The following EGFR variants were observed in gnomAD, a reference collection of about 807,000 sequenced individuals.
EGFR encodes the protein epidermal growth factor receptor.
A neutral mutation model predicts 143.0 loss-of-function variants in EGFR; 58 were observed. The ratio of observed to expected loss-of-function variants is 0.41; its 90% CI spans 0.33 to 0.50. The LOEUF is 0.50. EGFR is among the 20% of genes least tolerant of loss of function. EGFR has a pLI of 0.39. For synonymous variants in EGFR, 613 were observed against 594.4 expected, an observed-to-expected ratio of 1.03 and a Z score of -0.45; for missense variants, 1,307 against 1,579.0, an observed-to-expected ratio of 0.83 and a Z score of 2.92.
chr7:55,068,152 C>T (rs1414360304), intron 1 of EGFR, among the ~76,000 whole-genome samples: 2 of 145,906 alleles, frequency 1.4e-5, no homozygotes, highest in Non-Finnish European at 2.9e-5. Context: ...AAAAATCTCT[C>T]ATCACCTTTT....
intron 25 of EGFR, 44 bp from the exon 26 acceptor site, chr7:55,201,691 G>A (rs772125966): frequency 3.7e-6 from 6 of 1,612,010 alleles, no homozygotes; most frequent in Non-Finnish European, 5.1e-6. Context: ...TGGATGAGAT[G>A]TGGTACAAGC....
intron 22 of EGFR, 39 bp from the exon 23 acceptor site, chr7:55,198,678 A>G (rs2128968552): frequency 4.3e-6 from 7 of 1,613,840 alleles, no homozygotes; most frequent in South Asian, 1.1e-5. Context: ...TTGTTCATTC[A>G]TGATCCCACT....
intron 1 of EGFR, among the ~76,000 whole-genome samples, chr7:55,106,273 G>T (rs547839912): frequency 6.6e-6 from 1 of 152,350 alleles, no homozygotes; most frequent in South Asian, 2.1e-4. Flanking sequence ...GCAGTACGTT[G>T]AACAGTGTGC....
intron 1 of EGFR, among the ~76,000 whole-genome samples, chr7:55,134,316 G>A (rs1481925222): frequency 1.5e-5 from 2 of 136,696 alleles, no homozygotes; most frequent in African/African-American, 5.6e-5. Flanking sequence ...CCACACACAG[G>A]TCCAGTTCCA....
At chr7:55,171,463 C>T (rs1271867772) in intron 16 of EGFR, among the ~76,000 whole-genome samples, 1 of 152,222 alleles carries the variant, frequency 6.6e-6, no homozygotes, top group Non-Finnish European at 1.5e-5. Context: ...CCTGCTCCGC[C>T]GTTGCTCGAT....
intron 11 of EGFR, among the ~76,000 whole-genome samples, chr7:55,158,464 C>T (rs758689061): frequency 1.3e-5 from 2 of 152,158 alleles, no homozygotes; most frequent in Non-Finnish European, 2.9e-5. Flanking sequence ...ATATGCATTG[C>T]CTCCCATAAA....
chr7:55,054,185 C>G (rs1011959268), intron 1 of EGFR, among the ~76,000 whole-genome samples: 1 of 152,212 alleles, frequency 6.6e-6, no homozygotes, highest in Non-Finnish European at 1.5e-5. Flanking sequence ...AAGGCTCCTG[C>G]TTATACCTGG....
intron 11 of EGFR, among the ~76,000 whole-genome samples, chr7:55,159,608 G>C (rs1474240887): frequency 6.6e-6 from 1 of 152,184 alleles, no homozygotes; most frequent in Non-Finnish European, 1.5e-5. Context: ...CACACTCACT[G>C]TGCTCTTCAC....
At chr7:55,032,294 C>G (rs1035153759) in intron 1 of EGFR, among the ~76,000 whole-genome samples, 1 of 152,156 alleles carries the variant, frequency 6.6e-6, no homozygotes, top group African/African-American at 2.4e-5. Context: ...TAGAGGCAGA[C>G]AGAGGATGAT....
chr7:55,047,667 C>T (rs547318607), intron 1 of EGFR, among the ~76,000 whole-genome samples: 11 of 152,328 alleles, frequency 7.2e-5, no homozygotes, highest in Admixed American at 5.2e-4. Flanking sequence ...AGGGGAATCA[C>T]TTGAACCTGG....
chr7:55,148,716 A>G (rs926389553), intron 4 of EGFR, among the ~76,000 whole-genome samples: 5 of 152,166 alleles, frequency 3.3e-5, no homozygotes, highest in African/African-American at 1.2e-4. Flanking sequence ...TTCACCATCG[A>G]CCTGATACCT....
At chr7:55,151,523 C>T (rs545709988) in intron 5 of EGFR, among the ~76,000 whole-genome samples, 161 bp downstream of exon 5, 2 of 152,318 alleles carry the variant, frequency 1.3e-5, no homozygotes, top group Admixed American at 6.5e-5. Context: ...CAAATCTCAC[C>T]GCATGCAGTT....
At chr7:55,130,678 A>G (rs980946445) in intron 1 of EGFR, among the ~76,000 whole-genome samples, 2 of 152,230 alleles carry the variant, frequency 1.3e-5, no homozygotes, top group Non-Finnish European at 2.9e-5. Context: ...AAATCCAACC[A>G]CGCTTACAAA....
intron 1 of EGFR, among the ~76,000 whole-genome samples, chr7:55,023,151 T>C (rs1786670858): frequency 6.6e-6 from 1 of 152,206 alleles, no homozygotes; most frequent in South Asian, 2.1e-4. Flanking sequence ...AGAACCCACC[T>C]GCAACACAGT....
chr7:55,143,191 C>A lies in EGFR; in HGVS notation c.241-114C>A. ...CTACCTATTTTACAGTTGTTGAGCA[C>A]TCGTGTGCATTAGGGTTCAACTGGG... On this transcript the variant is annotated intron_variant, in intron 2 of 27. Transcript: ENST00000275493. The A allele has an allele frequency of 7.7e-6, 8 of 1,037,724 alleles. No homozygotes were observed. The South Asian group carries it at 9.3e-5, about 12-fold the overall frequency. 64.3% of individuals were successfully genotyped at this position (1,037,724 alleles called of 1,614,324 possible).
At chr7:55,099,825 TAAA>T (rs919529631) in intron 1 of EGFR, among the ~76,000 whole-genome samples, 1 of 142,104 alleles carries the variant, frequency 7.0e-6, no homozygotes, top group Non-Finnish European at 1.6e-5. Flanking sequence ...GATGTGCAAT[TAAA>T]AAAAAAAAAA....
At chr7:55,032,099 T>C (rs1383909586) in intron 1 of EGFR, among the ~76,000 whole-genome samples, 1 of 152,224 alleles carries the variant, frequency 6.6e-6, no homozygotes, top group African/African-American at 2.4e-5. Context: ...AGGTACCACG[T>C]AATGTTATTA....
At chr7:55,173,201 T>C in intron 17 of EGFR, 77 bp downstream of exon 17, 1 of 1,580,880 alleles carries the variant, frequency 6.3e-7, no homozygotes. Flanking sequence ...GAACGGGCCA[T>C]TAGCAGTTGT....
chr7:55,205,205 T>C (rs907684233), intron 27 of EGFR, 51 bp from the exon 28 acceptor site: 1 of 1,608,672 alleles, frequency 6.2e-7, no homozygotes, highest in South Asian at 1.1e-5. Context: ...GGATCCTGCA[T>C]GGGATGGTGC....
Sources: gnomAD v4.1 joint callset for allele counts (sites outside exome capture counted in the v4.1 genomes callset) on GRCh38, gnomAD v4.1.1 for gene constraint, MANE v1.5 for transcripts, NCBI Gene and HGNC (gene_info 2026-07-23, HGNC 2026-07-21) for gene names.